TGFB1I1: variants seen among roughly 807,000 people sequenced by gnomAD.
The protein encoded by TGFB1I1 is transforming growth factor beta-1-induced transcript 1 protein.
In TGFB1I1, 33 loss-of-function variants were observed where a neutral mutation model predicts 52.0. The observed-to-expected ratio is 0.63, with a 90% CI of 0.48 to 0.85. The LOEUF (loss-of-function observed/expected upper bound fraction) is 0.85. TGFB1I1 is among the 40% of genes least tolerant of loss of function. TGFB1I1 has a pLI of 0.00. For missense variants in TGFB1I1, 577 were observed against 614.9 expected (o/e 0.94, Z 0.65); for synonymous variants, 236 against 253.3 (o/e 0.93, Z 0.65).
chr16:31,476,244 G>T lies in TGFB1I1; in HGVS notation c.888+59G>T. Reference sequence around the variant, plus strand: ...ATCTCACCAGGAGAGCTGTGGGACGGGCCTCCACCGCATGGGTCCCGCCCC... The same window carrying T: ...ATCTCACCAGGAGAGCTGTGGGACGTGCCTCCACCGCATGGGTCCCGCCCC... On this transcript the variant is annotated intron_variant, in intron 8 of 10. Transcript: ENST00000394863. This position sits in a 1 kb window ranked among gnomAD's most constrained non-coding sequence, Gnocchi z 7.6. The T allele has an allele frequency of 6.3e-7, 1 of 1,575,262 alleles. No individual in the cohort carries two copies.
At position 31,476,772 on chromosome 16, in the gene TGFB1I1, G is replaced by A; in HGVS notation, c.971-90G>A. On this transcript the variant is annotated intron_variant, in intron 9 of 10. Transcript: ENST00000394863. This position sits in a 1 kb window ranked among gnomAD's most constrained non-coding sequence, Gnocchi z 7.6. ...TCCTTCCCCAAGGCTCCCTCGGACT[G>A]CCCCTCCTTCGGCCCCAGATCTCAG... 1 of 1,574,212 alleles carries A rather than the reference G, an allele frequency of 6.4e-7. No homozygotes were observed.
rs7200926 is a variant in TGFB1I1, at chr16:31,473,323, C to T, written c.14-118C>T. On this transcript the variant is annotated intron_variant, in intron 1 of 10. Coordinates refer to ENST00000394863, the MANE Select transcript of TGFB1I1 (RefSeq NM_001042454.3). Reference sequence around the variant, plus strand: ...GAGCAGTGCTCTGCCTGGCTCTGGCCCTGTGACCTCTTCTCTTAATACTGG... The same window carrying T: ...GAGCAGTGCTCTGCCTGGCTCTGGCTCTGTGACCTCTTCTCTTAATACTGG... 1.2e-3 allele frequency: 1,746 copies of T among 1,459,544 alleles called. 23 individuals are homozygous for T. The African/African-American group carries it at 0.022, about 19-fold the overall frequency. 90.4% of individuals were successfully genotyped at this position (1,459,544 alleles called of 1,614,324 possible).
At position 31,474,083 on chromosome 16, in the gene TGFB1I1, C is replaced by T; in HGVS notation, c.326-69C>T. ...TTCCCAGAGTAGCAGTTAAAGGGAC[C>T]TAAAGCCTCAAGTGTGAGGGTGCGT... is the stretch of plus-strand genomic sequence containing the variant. On this transcript the variant is annotated intron_variant, in intron 4 of 10. Coordinates refer to ENST00000394863, the MANE Select transcript of TGFB1I1 (RefSeq NM_001042454.3). This position sits in a 1 kb window ranked among gnomAD's most constrained non-coding sequence, Gnocchi z 4.2. 1 of 1,610,728 alleles carries T rather than the reference C, an allele frequency of 6.2e-7. No homozygotes were observed. The highest frequency in any genetic ancestry group is 8.5e-7 in the Non-Finnish European group (1 of 1,177,390).
In TGFB1I1 at chr16:31,476,425, G is replaced by T; in HGVS notation, c.889-56G>T. On this transcript the variant is annotated intron_variant, in intron 8 of 10. Coordinates refer to ENST00000394863, the MANE Select transcript of TGFB1I1 (RefSeq NM_001042454.3). The surrounding 1 kb of genome is among the most constrained non-coding windows in gnomAD (Gnocchi z 7.6). ...GTCCAGTCACCCGGGTTCCGCGCGG[G>T]AGAGGAAGGCGCGAAGGCACGGAGG... 6.4e-7 allele frequency: 1 copy of T among 1,551,878 alleles called. No homozygotes were observed. Among genetic ancestry groups the T allele is most frequent in the Non-Finnish European group, 8.8e-7 (1 of 1,137,364 alleles).
At chr16:31,473,221 A>G in intron 1 of TGFB1I1, 1 of 1,362,752 alleles carries the variant, frequency 7.3e-7, no homozygotes, top group Non-Finnish European at 9.4e-7. Flanking sequence ...TAAAATAATC[A>G]GGAGGCTGGG....
rs113186531 is a variant in TGFB1I1, at chr16:31,473,439, A to T, written c.14-2A>T. The stretch of plus-strand genomic sequence containing the variant: ...TCTCTCCCTGATGGCCTCTTCCTGC[A>T]GATGCCCTGCTCTCTGACCTGGAGA... On this transcript the variant is annotated splice_acceptor_variant, in intron 1 of 10. Coordinates refer to ENST00000394863, the MANE Select transcript of TGFB1I1 (RefSeq NM_001042454.3). LOFTEE classifies it high-confidence loss of function. 1.2e-6 allele frequency: 2 copies of T among 1,612,714 alleles called. No individual in the cohort carries two copies. The highest frequency in any genetic ancestry group is 1.7e-6 in the Non-Finnish European group (2 of 1,179,272).
chr16:31,473,602 C>T (rs1378240189), intron 2 of TGFB1I1, 46 bp downstream of exon 2: 7 of 1,610,506 alleles, frequency 4.3e-6, no homozygotes, highest in African/African-American at 1.3e-5. Context: ...GGGCCAGGCT[C>T]GGCCTGGTCT....
At position 31,474,748 on chromosome 16, in the gene TGFB1I1, T is replaced by C; in HGVS notation, c.705T>C (p.Ile235=). 1 of 1,607,242 alleles carries C rather than the reference T, an allele frequency of 6.2e-7. No individual in the cohort carries two copies. Among genetic ancestry groups the C allele is most frequent in the East Asian group, 2.2e-5 (1 of 44,764 alleles). Residue 235 remains isoleucine (I), a synonymous_variant, in exon 7 of 11, where the codon ATT becomes ATC. Transcript: ENST00000394863. The surrounding 1 kb of genome is among the most constrained non-coding windows in gnomAD (Gnocchi z 4.2). ...KGLCGSCNKP[I]AGQVVTALGR... The stretch of plus-strand genomic sequence containing the variant: ...TCTGTGGCTCCTGCAATAAACCTAT[T>C]GCTGGGCAAGTAAGTGGAGCCTTGT...
In TGFB1I1 at chr16:31,473,249, G is replaced by C; in HGVS notation, c.14-192G>C. On this transcript the variant is annotated intron_variant, in intron 1 of 10. Transcript: ENST00000394863. Reference sequence around the variant, plus strand: ...AGGCTGGGTTTGTGCTTGGCTCCAAGCGTGAGCAACTGGGATATTCTGGTC... The same window carrying C: ...AGGCTGGGTTTGTGCTTGGCTCCAACCGTGAGCAACTGGGATATTCTGGTC... 4 of 1,402,726 alleles carry C rather than the reference G, an allele frequency of 2.9e-6. No homozygotes were observed. The South Asian group carries it at 4.8e-5, about 17-fold the overall frequency. 86.9% of individuals were successfully genotyped at this position (1,402,726 alleles called of 1,614,324 possible).
intron 1 of TGFB1I1, chr16:31,473,022 GGGGCC>G (rs1293463688): frequency 5.3e-5 from 10 of 187,920 alleles, no homozygotes; most frequent in Non-Finnish European, 1.0e-4. Flanking sequence ...GCGGGACTCA[GGGGCC>G]TGGGAGTGGC....
rs950927583 is a variant in TGFB1I1, at chr16:31,475,784, C to T, written c.715-228C>T. On this transcript the variant is annotated intron_variant, in intron 7 of 10. Coordinates refer to ENST00000394863, the MANE Select transcript of TGFB1I1 (RefSeq NM_001042454.3). ...TATGGGCCCCTAAATGTATTGTGGG[C>T]TCCAGGCGCTGTGCCTGCTGTGCCT... 8.2e-5 allele frequency: 41 copies of T among 501,230 alleles called. 1 individual carries two copies. In the South Asian group the frequency reaches 1.3e-3, roughly 16 times the overall value. 31.0% of individuals were successfully genotyped at this position (501,230 alleles called of 1,614,324 possible).
chr16:31,473,486 G>A lies in TGFB1I1; in HGVS notation c.59G>A (p.Arg20Lys), dbSNP rs138308548. 2 of 1,613,910 alleles carry A rather than the reference G, an allele frequency of 1.2e-6. No homozygotes were observed. The highest frequency in any genetic ancestry group is 2.2e-5 in the South Asian group (2 of 91,084). ...GAGACTACCACCTCGCACATGCCAA[G>A]GTCAGGGGCTCCCAAAGAGCGCCCT... ...DLETTTSHMP[R>K]SGAPKERPAE... Residue 20 changes from arginine to lysine, a missense_variant, in exon 2 of 11, where the codon AGG (arginine) becomes AAG (lysine). Arg to Lys is a conservative substitution (Grantham distance 26, BLOSUM62 2). This residue lies in a region of TGFB1I1 where 113 missense variants were observed against 123.9 expected (regional missense o/e 0.91). Coordinates refer to ENST00000394863, the MANE Select transcript of TGFB1I1 (RefSeq NM_001042454.3).
rs907854397 is a variant in TGFB1I1 at position 31,477,220 on chromosome 16, G to C, written c.1120-90G>C. The C allele has an allele frequency of 2.0e-6, 3 of 1,510,286 alleles. No individual in the cohort carries two copies. The highest frequency in any genetic ancestry group is 2.7e-6 in the Non-Finnish European group (3 of 1,123,580). 93.6% of individuals were successfully genotyped at this position (1,510,286 alleles called of 1,614,324 possible). Reference sequence around the variant, plus strand: ...ATTCTTCGCGTCTAGGGCGGGCTGCGGGGTCCCAGGGCGTTATCCGCTAGT... The same window carrying C: ...ATTCTTCGCGTCTAGGGCGGGCTGCCGGGTCCCAGGGCGTTATCCGCTAGT... On this transcript the variant is annotated intron_variant, in intron 10 of 10. Transcript: ENST00000394863. The surrounding 1 kb of genome is among the most constrained non-coding windows in gnomAD (Gnocchi z 4.7).
chr16:31,476,148 C>G lies in TGFB1I1; in HGVS notation c.851C>G (p.Ser284Trp), dbSNP rs771809181. The G allele has an allele frequency of 1.6e-5, 26 of 1,613,508 alleles. No individual in the cohort carries two copies. In the South Asian group the frequency reaches 2.7e-4, roughly 17 times the overall value. ...FCPECYFERF[S>W]PRCGFCNQPI... The stretch of plus-strand genomic sequence containing the variant: ...CCCGAGTGCTACTTTGAGCGCTTCT[C>G]GCCAAGATGTGGCTTCTGCAACCAG... Residue 284 changes from serine (S) to tryptophan (W), a missense_variant, in exon 8 of 11, where the codon TCG becomes TGG. Physicochemically the swap from Ser to Trp is radical, Grantham distance 177 (BLOSUM62 -3). Coordinates refer to ENST00000394863, the MANE Select transcript of TGFB1I1 (RefSeq NM_001042454.3). This position sits in a 1 kb window ranked among gnomAD's most constrained non-coding sequence, Gnocchi z 7.6.
At chr16:31,475,734 G>T in intron 7 of TGFB1I1, 1 of 373,068 alleles carries the variant, frequency 2.7e-6, no homozygotes. Flanking sequence ...ATCGTATTTT[G>T]ATTTTAAAAA....
At chr16:31,475,400 A>AT in intron 7 of TGFB1I1, 1 of 152,806 alleles carries the variant, frequency 6.5e-6, no homozygotes, top group African/African-American at 2.4e-5. Flanking sequence ...TTTATTCTGA[A>AT]TTTTTAAAAA....
intron 7 of TGFB1I1, chr16:31,475,777 T>C: frequency 2.1e-6 from 1 of 484,224 alleles, no homozygotes; most frequent in Non-Finnish European, 3.6e-6. Context: ...CCTAAATGTA[T>C]TGTGGGCTCC....
chr16:31,476,980 G>T lies in TGFB1I1; in HGVS notation c.1089G>T (p.Ala363=). ...ATAACTACATCTCGGCGCTCAGCGC[G>T]CTCTGGCACCCGGACTGTTTCGTCT... The part of the protein sequence containing the change: ...ILDNYISALS[A]LWHPDCFVCR... Residue 363 remains alanine (A), a synonymous_variant, in exon 10 of 11, where the codon GCG becomes GCT. Coordinates refer to ENST00000394863, the MANE Select transcript of TGFB1I1 (RefSeq NM_001042454.3). The surrounding 1 kb of genome is among the most constrained non-coding windows in gnomAD (Gnocchi z 7.6). 1 of 1,593,866 alleles carries T rather than the reference G, an allele frequency of 6.3e-7. No homozygotes were observed. Among genetic ancestry groups the T allele is most frequent in the Non-Finnish European group, 8.5e-7 (1 of 1,175,736 alleles).
rs765019917 is a variant in TGFB1I1, at chr16:31,474,681, C to G, written c.638C>G (p.Ser213Cys). ...GACACCATGCTGGGGCTGCTGCAGT[C>G]CGACCTCAGCCGCCGGGGTGTTCCC... Reference protein sequence around the residue: ...SLDTMLGLLQSDLSRRGVPTQ... With the variant: ...SLDTMLGLLQCDLSRRGVPTQ... Residue 213 changes from serine (S) to cysteine (C), a missense_variant, in exon 7 of 11, where the codon TCC becomes TGC. Physicochemically the swap from Ser to Cys is moderately radical, Grantham distance 112. Transcript: ENST00000394863. This position sits in a 1 kb window ranked among gnomAD's most constrained non-coding sequence, Gnocchi z 4.2. The G allele has an allele frequency of 1.2e-6, 2 of 1,613,170 alleles. No homozygotes were observed. The highest frequency in any genetic ancestry group is 1.7e-6 in the Non-Finnish European group (2 of 1,179,792).
Sources: gnomAD v4.1 joint callset for allele counts on GRCh38, gnomAD v4.1.1 for gene constraint, gnomAD v4.1.1 regional missense constraint, Gnocchi (gnomAD v3.1) non-coding constraint, MANE v1.5 for transcripts, NCBI Gene and HGNC (gene_info 2026-07-23, HGNC 2026-07-21) for gene names.